Variants in LDLRAD4 observed in about 807,000 individuals in gnomAD.
LDLRAD4 encodes the protein low density lipoprotein receptor class A domain containing 4, also known as low-density lipoprotein receptor class A domain-containing protein 4.
LDLRAD4 carries 5 observed loss-of-function variants against 17.0 expected under a neutral mutation model. The observed-to-expected ratio is 0.29, with a 90% confidence interval of 0.15 to 0.62. The LOEUF (loss-of-function observed/expected upper bound fraction) is 0.62, where lower values mean the gene tolerates loss of function less well. LDLRAD4 is among the 20% of genes least tolerant of loss of function. The probability of loss-of-function intolerance (pLI) is 0.84; values close to 1 mark genes in which losing one functional copy is unlikely to be tolerated. For synonymous variants in LDLRAD4, 168 were observed against 171.8 expected (o/e 0.98, Z 0.17); for missense variants, 340 against 424.7 (o/e 0.80, Z 1.75).
chr18:13,624,706 G>T (rs2040966360), intron 4 of LDLRAD4, among the ~76,000 whole-genome samples: 1 of 152,212 alleles, frequency 6.6e-6, no homozygotes, highest in Non-Finnish European at 1.5e-5. Flanking sequence ...CCCATCCCTA[G>T]GTGACCACCT....
At chr18:13,294,696 A>T (rs918541334) in intron 1 of LDLRAD4, among the ~76,000 whole-genome samples, 6 of 152,040 alleles carry the variant, frequency 3.9e-5, no homozygotes, top group African/African-American at 7.2e-5. Context: ...GATGTTGTGG[A>T]GCCCACTGAA....
Position 13,397,673 on chromosome 18 carries a change from T to C in LDLRAD4, c.40+9911T>C, listed in dbSNP as rs375468781. On this transcript the variant is annotated intron_variant, in intron 2 of 5. Transcript: ENST00000359446. ...TAGAGCCCTAGAGCAGCAGGACCCATGTCCTTGGCACTCACTGAAAAAGCC... is the reference window on the plus strand; with the variant it reads ...TAGAGCCCTAGAGCAGCAGGACCCACGTCCTTGGCACTCACTGAAAAAGCC... 1.1e-4 allele frequency among the ~76,000 whole-genome samples: 17 copies of C among 152,316 alleles called. 1 individual carries two copies. The East Asian group carries it at 1.5e-3, about 14-fold the overall frequency.
intron 1 of LDLRAD4, chr18:13,239,714 C>T (rs943422158): frequency 1.3e-5 from 2 of 152,292 alleles, no homozygotes; most frequent in Non-Finnish European, 2.9e-5. Context: ...GGGGACCAGA[C>T]GCAGATGCCC....
chr18:13,518,138 G>A (rs1003859014), intron 3 of LDLRAD4, among the ~76,000 whole-genome samples: 2 of 152,182 alleles, frequency 1.3e-5, no homozygotes, highest in African/African-American at 4.8e-5. Context: ...AGATTTTCAA[G>A]ATCTCCTCAA....
chr18:13,520,742 A>C (rs2093940458), intron 3 of LDLRAD4: 1 of 152,150 alleles, frequency 6.6e-6, no homozygotes, highest in East Asian at 1.9e-4. Flanking sequence ...GGTCCTACCT[A>C]CTCAGGAGGC....
chr18:13,326,244 A>G (rs1270049260), intron 1 of LDLRAD4, among the ~76,000 whole-genome samples: 1 of 152,138 alleles, frequency 6.6e-6, no homozygotes, highest in Non-Finnish European at 1.5e-5. Flanking sequence ...TAGTATTTGT[A>G]TGTTTCCTTA....
chr18:13,343,653 G>A (rs567530890), intron 1 of LDLRAD4, among the ~76,000 whole-genome samples: 1 of 152,194 alleles, frequency 6.6e-6, no homozygotes, highest in South Asian at 2.1e-4. Context: ...CTGAGGAATC[G>A]CCACACTGAC....
chr18:13,559,628 A>T (rs2148188480), intron 3 of LDLRAD4, among the ~76,000 whole-genome samples: 1 of 152,318 alleles, frequency 6.6e-6, no homozygotes, highest in African/African-American at 2.4e-5. Context: ...CTGTGTACAT[A>T]TGTATGTATG....
chr18:13,405,752 G>A (rs968952233), intron 2 of LDLRAD4, among the ~76,000 whole-genome samples: 7 of 152,020 alleles, frequency 4.6e-5, no homozygotes, highest in South Asian at 2.1e-4. Flanking sequence ...CTATGCGAGC[G>A]TTTTCACCAT....
intron 4 of LDLRAD4, 21 bp from the exon 6 acceptor site, chr18:13,643,333 ACTCTC>A: frequency 6.9e-7 from 1 of 1,443,144 alleles, no homozygotes; most frequent in Non-Finnish European, 9.3e-7. Flanking sequence ...TGTTCCCCCC[ACTCTC>A]CTCCCCTTCC....
chr18:13,645,084 T>G lies in LDLRAD4; in HGVS notation c.391-43T>G, dbSNP rs775457494. On this transcript the variant is annotated intron_variant, in intron 5 of 5. Transcript: ENST00000359446. The surrounding 1 kb of genome is among the most constrained non-coding windows in gnomAD (Gnocchi z 5.7). ...GATTCTGACACATTTATGGTCATCA[T>G]TGCGCTCAAACTGTCTTCAAGCCTC... 6.6e-7 allele frequency: 1 copy of G among 1,519,796 alleles called. No individual in the cohort carries two copies. Among genetic ancestry groups the G allele is most frequent in the Non-Finnish European group, 8.9e-7 (1 of 1,119,890 alleles). The allele number at this position is 1,519,796 out of a possible 1,614,324, so 94.1% of individuals were successfully genotyped here. A position where few individuals can be genotyped will look rare whatever the true frequency, so the allele number is the denominator to read the frequency against.
chr18:13,432,926 A>G (rs1265241777), intron 2 of LDLRAD4, among the ~76,000 whole-genome samples: 1 of 152,218 alleles, frequency 6.6e-6, no homozygotes, highest in African/African-American at 2.4e-5. Flanking sequence ...CATGTTGACC[A>G]AGCTGGTCTT....
intron 3 of LDLRAD4, among the ~76,000 whole-genome samples, chr18:13,566,843 A>G (rs1035599823): frequency 2.0e-4 from 30 of 152,384 alleles, no homozygotes; most frequent in African/African-American, 6.5e-4. Flanking sequence ...AAAGGGTATT[A>G]GAGTAGCATG....
In LDLRAD4 at chr18:13,312,087, G is replaced by C. The variant is rs934367280; in HGVS notation, c.-383+33899G>C. Reference sequence around the variant, plus strand: ...CCTGACCTCAAGATCCGCCCGCCTCGGCCTCCCAAAGTGCTAGGATTACAG... The same window carrying C: ...CCTGACCTCAAGATCCGCCCGCCTCCGCCTCCCAAAGTGCTAGGATTACAG... On this transcript the variant is annotated intron_variant, in intron 1 of 5. Transcript: ENST00000359446. 3.6e-4 allele frequency among the ~76,000 whole-genome samples: 54 copies of C among 152,062 alleles called. 1 individual carries two copies. The highest frequency in any genetic ancestry group is 1.2e-3 in the African/African-American group (49 of 41,486).
intron 3 of LDLRAD4, among the ~76,000 whole-genome samples, chr18:13,507,867 T>C (rs1339672528): frequency 6.6e-6 from 1 of 152,240 alleles, no homozygotes; most frequent in Admixed American, 6.5e-5. Context: ...AAGGAAGAGT[T>C]GCACATCTCT....
intron 4 of LDLRAD4, 123 bp from the exon 6 acceptor site, chr18:13,643,236 G>A (rs2042758048): frequency 3.3e-6 from 2 of 601,626 alleles, no homozygotes; most frequent in Non-Finnish European, 5.7e-6. Context: ...GCCCGGCCTC[G>A]CTCCACGTTT....
chr18:13,591,630 G>C (rs752411945), intron 3 of LDLRAD4, among the ~76,000 whole-genome samples: 16 of 152,188 alleles, frequency 1.1e-4, no homozygotes, highest in Non-Finnish European at 1.8e-4. Context: ...TTCTGATTTA[G>C]TTAGCCTGAA....
chr18:13,439,573 G>A (rs928893825), intron 3 of LDLRAD4, among the ~76,000 whole-genome samples: 2 of 152,228 alleles, frequency 1.3e-5, no homozygotes, highest in African/African-American at 4.8e-5. Context: ...CATTGGGTCC[G>A]TGTTTTGTGC....
In LDLRAD4 at chr18:13,346,460, G is replaced by A. The variant is rs575087214; in HGVS notation, c.-382-40881G>A. 5.3e-5 allele frequency among the ~76,000 whole-genome samples: 8 copies of A among 152,262 alleles called. No individual in the cohort carries two copies. The East Asian group carries it at 1.2e-3, about 22-fold the overall frequency. ...TGAGAGACAGTTTGTTAAAATTTCT[G>A]TTCTTTTACATTTGCTGAGGAGTGC... On this transcript the variant is annotated intron_variant, in intron 1 of 5. Transcript: ENST00000359446.
Sources: allele counts gnomAD v4.1 joint callset (sites outside exome capture counted in the v4.1 genomes callset), GRCh38; gene constraint gnomAD v4.1.1; non-coding constraint Gnocchi (gnomAD v3.1); transcripts MANE v1.5; gene names NCBI Gene and HGNC (gene_info 2026-07-23, HGNC 2026-07-21).